NPAS2: variants seen among roughly 807,000 people sequenced by gnomAD.
NPAS2 encodes the protein neuronal PAS domain protein 2.
A neutral mutation model predicts 107.5 loss-of-function variants in NPAS2; 23 were observed. The ratio of observed to expected loss-of-function variants is 0.21; its 90% CI spans 0.15 to 0.30. The LOEUF is 0.30. NPAS2 is among the 10% of genes least tolerant of loss of function. The pLI is 1.00. For synonymous variants in NPAS2, 403 were observed against 417.5 expected, an observed-to-expected ratio of 0.97 and a Z score of 0.42; for missense variants, 756 against 1,043.3, an observed-to-expected ratio of 0.72 and a Z score of 3.79.
intron 2 of NPAS2, among the ~76,000 whole-genome samples, chr2:100,907,181 G>A (rs1682209126): frequency 6.6e-6 from 1 of 152,108 alleles, no homozygotes. Flanking sequence ...AAAAATGCAT[G>A]TTTAGGCTCT....
At chr2:100,950,656 T>G (rs1425829148) in intron 7 of NPAS2, among the ~76,000 whole-genome samples, 1 of 152,260 alleles carries the variant, frequency 6.6e-6, no homozygotes, top group Non-Finnish European at 1.5e-5. Context: ...AGTGTGATCC[T>G]GCCAGCATGA....
At chr2:100,891,778 T>A (rs1681087569) in intron 1 of NPAS2, among the ~76,000 whole-genome samples, 1 of 152,230 alleles carries the variant, frequency 6.6e-6, no homozygotes, top group South Asian at 2.1e-4. Context: ...CTAATTTGAC[T>A]TCCTGTTTCA....
intron 2 of NPAS2, among the ~76,000 whole-genome samples, chr2:100,917,479 G>C (rs1483157608): frequency 6.6e-6 from 1 of 152,170 alleles, no homozygotes; most frequent in Non-Finnish European, 1.5e-5. Context: ...AGTGAGCCGA[G>C]ATCGTGCCAT....
At chr2:100,893,428 T>A (rs939424970) in intron 1 of NPAS2, among the ~76,000 whole-genome samples, 1 of 152,198 alleles carries the variant, frequency 6.6e-6, no homozygotes, top group African/African-American at 2.4e-5. Context: ...CCAGGCTTGG[T>A]TGGTATGGTG....
At chr2:100,948,744 GA>G (rs1288979186) in intron 6 of NPAS2, among the ~76,000 whole-genome samples, 4 of 152,098 alleles carry the variant, frequency 2.6e-5, no homozygotes, top group Non-Finnish European at 5.9e-5. Context: ...ACTGAAAACG[GA>G]ATAATTAGGT....
At chr2:100,927,177 A>G (rs944167869) in intron 3 of NPAS2, among the ~76,000 whole-genome samples, 1 of 151,368 alleles carries the variant, frequency 6.6e-6, no homozygotes, top group Non-Finnish European at 1.5e-5. Context: ...CTCGTGATTC[A>G]CCCGCCCCGG....
At chr2:100,954,912 C>G (rs1675479392) in intron 7 of NPAS2, among the ~76,000 whole-genome samples, 1 of 151,082 alleles carries the variant, frequency 6.6e-6, no homozygotes, top group Non-Finnish European at 1.5e-5. Flanking sequence ...GAGTCTCGCT[C>G]TGTCACCCAG....
chr2:100,873,307 T>TATATACAC (rs1280164445), intron 1 of NPAS2, among the ~76,000 whole-genome samples: 55 of 41,882 alleles, frequency 1.3e-3, no homozygotes, highest in Non-Finnish European at 2.0e-3. Context: ...TATATATATA[T>TATATACAC]ACACACACAC....
chr2:100,943,037 TGAAC>T (rs1336984158), intron 5 of NPAS2, among the ~76,000 whole-genome samples: 1 of 152,196 alleles, frequency 6.6e-6, no homozygotes, highest in East Asian at 1.9e-4. Context: ...TGTTTCCTGA[TGAAC>T]GTTTGCAAGC....
chr2:100,921,330 G>T (rs1683212168), intron 2 of NPAS2, among the ~76,000 whole-genome samples: 1 of 152,192 alleles, frequency 6.6e-6, no homozygotes, highest in Non-Finnish European at 1.5e-5. Flanking sequence ...AGGAATGAAT[G>T]GATGTAAAGC....
Position 100,995,752 on chromosome 2 carries a change from T to C in NPAS2, c.*170T>C. 6.5e-7 allele frequency: 1 copy of C among 1,549,590 alleles called. No individual in the cohort carries two copies. ...CTCTGGAGTGCAGCGCTTGCTGCAG[T>C]GGAAATGATCAGGAATACTGACCGT... On this transcript the variant is annotated 3_prime_UTR_variant, in exon 21 of 21. Coordinates refer to ENST00000335681, the MANE Select transcript of NPAS2 (RefSeq NM_002518.4).
At position 100,974,736 on chromosome 2, in the gene NPAS2, A is replaced by G. The variant is rs1203139054; in HGVS notation, c.1141-67A>G. Reference sequence around the variant, plus strand: ...TGAGGTTGTCGACATATTTAGAACTAAAGTCACGCCCACTGATTCTTTCCT... The same window carrying G: ...TGAGGTTGTCGACATATTTAGAACTGAAGTCACGCCCACTGATTCTTTCCT... On this transcript the variant is annotated intron_variant, in intron 12 of 20. Transcript: ENST00000335681. 9.1e-6 allele frequency: 14 copies of G among 1,538,080 alleles called. No homozygotes were observed. In the South Asian group the frequency reaches 1.4e-4, roughly 15 times the overall value.
chr2:100,925,899 A>C (rs529810936), intron 3 of NPAS2, among the ~76,000 whole-genome samples: 1 of 152,262 alleles, frequency 6.6e-6, no homozygotes, highest in South Asian at 2.1e-4. Context: ...TAATTTCATC[A>C]TGCCAAAAAA....
rs148813216 is a variant in NPAS2 at position 100,886,340 on chromosome 2, G to A, written c.-22-18393G>A. On this transcript the variant is annotated intron_variant, in intron 1 of 20. Transcript: ENST00000335681. The stretch of plus-strand genomic sequence containing the variant: ...CCTATCCAGCAACCTTTTGGATCCC[G>A]AGGTCTGCACATAAAAGGACTTGCT... Among the ~76,000 whole-genome samples the A allele has an allele frequency of 6.0e-4, 91 of 152,318 alleles. 1 individual carries two copies. The highest frequency in any genetic ancestry group is 3.4e-3 in the Middle Eastern group (1 of 294).
intron 1 of NPAS2, among the ~76,000 whole-genome samples, chr2:100,825,055 G>A (rs1676289727): frequency 6.6e-6 from 1 of 152,190 alleles, no homozygotes; most frequent in South Asian, 2.1e-4. Flanking sequence ...GACTCAATTT[G>A]TGGACTTTGT....
At chr2:100,873,293 TATATATATATATATACACACAC>T (rs1679717073) in intron 1 of NPAS2, among the ~76,000 whole-genome samples, 7 of 45,752 alleles carry the variant, frequency 1.5e-4, no homozygotes, top group African/African-American at 2.5e-4. Context: ...TATATATATA[TATATATATATATATACACACAC>T]ACACACACAC....
At chr2:100,941,561 C>G (rs1424882542) in intron 5 of NPAS2, among the ~76,000 whole-genome samples, 2 of 146,684 alleles carry the variant, frequency 1.4e-5, no homozygotes, top group Non-Finnish European at 3.0e-5. Flanking sequence ...AGACCTGGCT[C>G]AAAAAAAAAA....
chr2:100,948,219 T>C lies in NPAS2; in HGVS notation c.364-16T>C. On this transcript the variant is annotated splice_polypyrimidine_tract_variant and intron_variant, in intron 5 of 20. Coordinates refer to ENST00000335681, the MANE Select transcript of NPAS2 (RefSeq NM_002518.4). ...TTCGTTGAGGGTGTACCTTTGTCCT[T>C]TATTTTCTTTTTCAGTCGGATGTCA... 3.7e-6 allele frequency: 6 copies of C among 1,611,188 alleles called. No homozygotes were observed. Among genetic ancestry groups the C allele is most frequent in the Non-Finnish European group, 5.1e-6 (6 of 1,179,416 alleles).
intron 15 of NPAS2, among the ~76,000 whole-genome samples, chr2:100,979,227 C>T (rs1422322053): frequency 1.3e-5 from 2 of 151,904 alleles, no homozygotes; most frequent in Non-Finnish European, 2.9e-5. Flanking sequence ...TATATTCACC[C>T]TCATTAGGCC....
Sources: allele counts gnomAD v4.1 joint callset (sites outside exome capture counted in the v4.1 genomes callset), GRCh38; gene constraint gnomAD v4.1.1; transcripts MANE v1.5; gene names NCBI Gene and HGNC (gene_info 2026-07-23, HGNC 2026-07-21).